GAN: variants seen among roughly 807,000 people sequenced by gnomAD.
GAN encodes the protein epididymis secretory sperm binding protein.
A neutral mutation model predicts 71.3 loss-of-function variants in GAN; 48 were observed. The observed-to-expected ratio is 0.67, with a 90% CI of 0.53 to 0.86. GAN has a LOEUF of 0.86. GAN is among the 40% of genes least tolerant of loss of function. The probability of loss-of-function intolerance (pLI) is 0.00; values close to 1 mark genes in which losing one functional copy is unlikely to be tolerated. For missense variants in GAN, 928 were observed against 770.1 expected (o/e 1.21, Z -2.43); for synonymous variants, 386 against 276.8 (o/e 1.39, Z -3.92).
chr16:81,342,263 C>G (rs773781512), intron 1 of GAN, among the ~76,000 whole-genome samples: 1 of 152,176 alleles, frequency 6.6e-6, no homozygotes, highest in Non-Finnish European at 1.5e-5. Flanking sequence ...AACTTGAACT[C>G]AGCTCTGGAC....
At chr16:81,351,899 T>TA (rs1910312272) in intron 2 of GAN, among the ~76,000 whole-genome samples, 1 of 152,190 alleles carries the variant, frequency 6.6e-6, no homozygotes, top group African/African-American at 2.4e-5. Context: ...GCAGAGGAAG[T>TA]AAGATCTTAG....
At chr16:81,338,395 A>G (rs1909836044) in intron 1 of GAN, among the ~76,000 whole-genome samples, 1 of 152,200 alleles carries the variant, frequency 6.6e-6, no homozygotes, top group Admixed American at 6.5e-5. Context: ...ACTCAAGGAA[A>G]AAATGATCAG....
Position 81,331,071 on chromosome 16 carries a change from G to T in GAN, c.167+15791G>T, listed in dbSNP as rs559716024. On this transcript the variant is annotated intron_variant, in intron 1 of 10. Coordinates refer to ENST00000648994, the MANE Select transcript of GAN (RefSeq NM_022041.4). ...ACTTTAAAAATTAGCCAGGCATGGT[G>T]GCGCACACCTGTAGTCCCAGCCACT... Among the ~76,000 whole-genome samples, 4 of 152,304 alleles carry T rather than the reference G, an allele frequency of 2.6e-5. No individual in the cohort carries two copies. In the East Asian group the frequency reaches 7.7e-4, roughly 29 times the overall value.
chr16:81,377,580 G>C lies in GAN; in HGVS notation c.1778G>C (p.Arg593Pro). 6.2e-7 allele frequency: 1 copy of C among 1,614,112 alleles called. No individual in the cohort carries two copies. Residue 593 changes from arginine (R) to proline (P), a missense_variant, in exon 11 of 11, where the codon CGT (arginine) becomes CCT (proline). Physicochemically the swap from Arg to Pro is moderately radical, Grantham distance 103. Transcript: ENST00000648994. ...CTTCAGCAAGGCTTATTCCGTATTC[G>C]TGTTCATTCCCCTTGAGGAGGAAGC... ...LQLQQGLFRI[R>P]VHSP
At chr16:81,315,678 G>A (rs1208803719) in intron 1 of GAN, among the ~76,000 whole-genome samples, 1 of 152,184 alleles carries the variant, frequency 6.6e-6, no homozygotes, top group African/African-American at 2.4e-5. Flanking sequence ...CGCCGGGGAA[G>A]AGTCACCCCC....
Position 81,340,559 on chromosome 16 carries a change from G to C in GAN, c.168-11024G>C, listed in dbSNP as rs540950632. Among the ~76,000 whole-genome samples the C allele has an allele frequency of 3.9e-5, 6 of 152,186 alleles. 1 individual carries two copies. The highest frequency in any genetic ancestry group is 1.4e-4 in the African/African-American group (6 of 41,526). The stretch of plus-strand genomic sequence containing the variant: ...AGCTGAGGGGCCTCTCTGTTAGAAG[G>C]AAAACTAACAAACAGAAAGGAATAG... On this transcript the variant is annotated intron_variant, in intron 1 of 10. Transcript: ENST00000648994.
Position 81,340,464 on chromosome 16 carries a change from C to T in GAN, c.168-11119C>T, listed in dbSNP as rs182001421. On this transcript the variant is annotated intron_variant, in intron 1 of 10. Transcript: ENST00000648994. ...TCAGGCAGCAATTTTTGCTGTTCTG[C>T]AGTCTCCACTGGTGATACCCAGGCA... Among the ~76,000 whole-genome samples the T allele has an allele frequency of 2.6e-5, 4 of 152,346 alleles. No homozygotes were observed. The East Asian group carries it at 5.8e-4, about 22-fold the overall frequency.
intron 2 of GAN, 98 bp downstream of exon 2, chr16:81,351,795 C>T (rs1910309398): frequency 4.0e-6 from 3 of 756,108 alleles, no homozygotes; most frequent in African/African-American, 3.4e-5. Context: ...GTAGCACTGT[C>T]ATCTTCATCT....
At chr16:81,355,509 G>A (rs1317733253) in intron 3 of GAN, among the ~76,000 whole-genome samples, 5 of 152,100 alleles carry the variant, frequency 3.3e-5, no homozygotes, top group Admixed American at 6.5e-5. Flanking sequence ...GACCACAGGC[G>A]TGTGCCACCA....
At chr16:81,350,523 T>C (rs1910265179) in intron 1 of GAN, among the ~76,000 whole-genome samples, 1 of 151,600 alleles carries the variant, frequency 6.6e-6, no homozygotes, top group Non-Finnish European at 1.5e-5. Context: ...ACTTAATTTT[T>C]TTTTTTTTTT....
intron 1 of GAN, among the ~76,000 whole-genome samples, chr16:81,323,438 A>C (rs1387290753): frequency 6.6e-6 from 1 of 152,228 alleles, no homozygotes; most frequent in Non-Finnish European, 1.5e-5. Context: ...AAAAGGGGTT[A>C]TGAAAATATT....
rs2150702776 is a variant in GAN at position 81,384,386 on chromosome 16, T to G, written c.*6790T>G. ...CCTAGAGTTGCTGCAAACTGATTACTTGAAACTCAACTTGAACTTTAAAGA... is the reference window on the plus strand; with the variant it reads ...CCTAGAGTTGCTGCAAACTGATTACGTGAAACTCAACTTGAACTTTAAAGA... On this transcript the variant is annotated 3_prime_UTR_variant, in exon 11 of 11. Coordinates refer to ENST00000648994, the MANE Select transcript of GAN (RefSeq NM_022041.4). The G allele has an allele frequency of 6.6e-6, 1 of 152,192 alleles. No homozygotes were observed. Among genetic ancestry groups the G allele is most frequent in the South Asian group, 2.1e-4 (1 of 4,820 alleles). 9.4% of individuals were successfully genotyped at this position (152,192 alleles called of 1,614,324 possible). A position where few individuals can be genotyped will look rare whatever the true frequency, so the allele number is the denominator to read the frequency against.
rs1904295163 is a variant in GAN at position 81,379,552 on chromosome 16, T to G, written c.*1956T>G. 1 of 152,124 alleles carries G rather than the reference T, an allele frequency of 6.6e-6. No homozygotes were observed. The highest frequency in any genetic ancestry group is 6.5e-5 in the Admixed American group (1 of 15,276). 9.4% of individuals were successfully genotyped at this position (152,124 alleles called of 1,614,324 possible). A position where few individuals can be genotyped will look rare whatever the true frequency, so the allele number is the denominator to read the frequency against. On this transcript the variant is annotated 3_prime_UTR_variant, in exon 11 of 11. Coordinates refer to ENST00000648994, the MANE Select transcript of GAN (RefSeq NM_022041.4). ...TCGTAGTGACAGTGTGGAGATCTTTTTAATGAAAGCAAACTATGTGGCCTC... is the reference window on the plus strand; with the variant it reads ...TCGTAGTGACAGTGTGGAGATCTTTGTAATGAAAGCAAACTATGTGGCCTC...
chr16:81,316,522 A>G (rs1024839131), intron 1 of GAN, among the ~76,000 whole-genome samples: 13 of 152,006 alleles, frequency 8.6e-5, no homozygotes, highest in South Asian at 4.1e-4. Flanking sequence ...GGTCTGGGGT[A>G]GCATCGTTAG....
rs1031596040 is a variant in GAN at position 81,385,987 on chromosome 16, G to A, written c.*8391G>A. ...GCTGGTCTCGAGCTCCTGAGCTCAG[G>A]CAATCCGCCTGCCTCAACCTCCCAA... is the stretch of plus-strand genomic sequence containing the variant. On this transcript the variant is annotated 3_prime_UTR_variant, in exon 11 of 11. Coordinates refer to ENST00000648994, the MANE Select transcript of GAN (RefSeq NM_022041.4). 4 of 152,152 alleles carry A rather than the reference G, an allele frequency of 2.6e-5. No homozygotes were observed. The highest frequency in any genetic ancestry group is 9.6e-5 in the African/African-American group (4 of 41,490). 9.4% of individuals were successfully genotyped at this position (152,152 alleles called of 1,614,324 possible).
intron 5 of GAN, among the ~76,000 whole-genome samples, chr16:81,361,875 T>G (rs553369864): frequency 6.6e-6 from 1 of 152,264 alleles, no homozygotes; most frequent in East Asian, 1.9e-4. Flanking sequence ...CATTATTTTT[T>G]GTAGAGATGA....
rs116286267 is a variant in GAN, at chr16:81,327,147, G to A, written c.167+11867G>A. ...AAGAAAGCTGAGAGAAGAAGAGACC[G>A]AATTCTTTATTCAGAAAGAGTAGCT... On this transcript the variant is annotated intron_variant, in intron 1 of 10. Coordinates refer to ENST00000648994, the MANE Select transcript of GAN (RefSeq NM_022041.4). Among the ~76,000 whole-genome samples the A allele has an allele frequency of 5.5e-3, 842 of 152,298 alleles. 8 individuals are homozygous for A. The highest frequency in any genetic ancestry group is 0.019 in the African/African-American group (809 of 41,560).
chr16:81,343,549 C>T (rs933244282), intron 1 of GAN, among the ~76,000 whole-genome samples: 10 of 152,174 alleles, frequency 6.6e-5, no homozygotes, highest in African/African-American at 2.2e-4. Context: ...TAGAAAAGGC[C>T]TTTGACAAAA....
rs994655155 is a variant in GAN, at chr16:81,378,640, A to C, written c.*1044A>C. 2.0e-5 allele frequency: 3 copies of C among 152,670 alleles called. No homozygotes were observed. Among genetic ancestry groups the C allele is most frequent in the Non-Finnish European group, 4.4e-5 (3 of 68,050 alleles). The allele number at this position is 152,670 out of a possible 1,614,324, so 9.5% of individuals were successfully genotyped here. On this transcript the variant is annotated 3_prime_UTR_variant, in exon 11 of 11. Coordinates refer to ENST00000648994, the MANE Select transcript of GAN (RefSeq NM_022041.4). The stretch of plus-strand genomic sequence containing the variant: ...TCTTAGAATGCGAATCTGTGTTAAG[A>C]ATCTAGTCTTTGTAATAGAAGTTTC...
Sources: allele counts gnomAD v4.1 joint callset (sites outside exome capture counted in the v4.1 genomes callset), GRCh38; gene constraint gnomAD v4.1.1; transcripts MANE v1.5; gene names NCBI Gene and HGNC (gene_info 2026-07-23, HGNC 2026-07-21).